Variants in EPB41L5 observed in about 807,000 individuals in gnomAD.
The protein encoded by EPB41L5 is band 4.1-like protein 5.
A neutral mutation model predicts 106.6 loss-of-function variants in EPB41L5; 55 were observed. The observed-to-expected ratio is 0.52, with a 90% CI of 0.42 to 0.65. EPB41L5 has a LOEUF of 0.65. Ranked by LOEUF, EPB41L5 falls within the 30% of genes least tolerant of loss-of-function variation. EPB41L5 has a pLI of 0.00. For synonymous variants in EPB41L5, 297 were observed against 306.7 expected (o/e 0.97, Z 0.33); for missense variants, 871 against 882.1 (o/e 0.99, Z 0.16).
At chr2:120,072,582 A>G (rs1360269387) in intron 3 of EPB41L5, among the ~76,000 whole-genome samples, 1 of 152,232 alleles carries the variant, frequency 6.6e-6, no homozygotes, top group Non-Finnish European at 1.5e-5. Context: ...CATATACACC[A>G]TGGAATACTA....
Position 120,054,181 on chromosome 2 carries a change from CTTGTTTGCCGT to C in EPB41L5, c.285+12076_285+12086del, listed in dbSNP as rs1396639602. ...ATGATGTTGAGCATCTTTTCATGTGCTTGTTTGCCGTTTGTGTATCTTCTTTGGAGAAATGT... is the reference window on the plus strand; with the variant it reads ...ATGATGTTGAGCATCTTTTCATGTGCTTGTGTATCTTCTTTGGAGAAATGT... On this transcript the variant is annotated intron_variant, in intron 3 of 24. Coordinates refer to ENST00000263713, the MANE Select transcript of EPB41L5 (RefSeq NM_020909.4). 2.6e-5 allele frequency among the ~76,000 whole-genome samples: 4 copies of C among 152,164 alleles called. No individual in the cohort carries two copies. In the East Asian group the frequency reaches 7.7e-4, roughly 29 times the overall value.
intron 17 of EPB41L5, among the ~76,000 whole-genome samples, chr2:120,128,256 A>AACAC (rs3084679): frequency 0.016 from 2,310 of 145,410 alleles, 26 homozygotes; most frequent in East Asian, 0.045. Context: ...GGTGCTTTAA[A>AACAC]ACACACACAC....
chr2:120,065,949 A>G (rs1044488016), intron 3 of EPB41L5, among the ~76,000 whole-genome samples: 20 of 152,266 alleles, frequency 1.3e-4, no homozygotes, highest in African/African-American at 2.4e-4. Flanking sequence ...CACTCTGCCA[A>G]CACACATGTG....
intron 2 of EPB41L5, among the ~76,000 whole-genome samples, chr2:120,037,253 T>C (rs1679095407): frequency 6.6e-6 from 1 of 152,058 alleles, no homozygotes; most frequent in South Asian, 2.1e-4. Flanking sequence ...CTGAGAGGAA[T>C]GAAAGAACAT....
At chr2:120,083,985 T>A (rs1682878812) in intron 10 of EPB41L5, among the ~76,000 whole-genome samples, 1 of 152,192 alleles carries the variant, frequency 6.6e-6, no homozygotes, top group Non-Finnish European at 1.5e-5. Flanking sequence ...ATTTTGAGCC[T>A]ATGTGTGTCT....
chr2:120,037,958 A>G (rs1679149256), intron 2 of EPB41L5, among the ~76,000 whole-genome samples: 1 of 152,228 alleles, frequency 6.6e-6, no homozygotes, highest in African/African-American at 2.4e-5. Flanking sequence ...CAGGGAAAAA[A>G]TCTTCATGAC....
chr2:120,168,048 T>G (rs1190093747), intron 24 of EPB41L5, 41 bp downstream of exon 24: 2 of 1,600,624 alleles, frequency 1.2e-6, no homozygotes, highest in Non-Finnish European at 8.5e-7. Flanking sequence ...TAGGCATCTG[T>G]TAGGAAGAAA....
At chr2:120,172,821 T>C (rs1357732610) in intron 24 of EPB41L5, among the ~76,000 whole-genome samples, 3 of 152,078 alleles carry the variant, frequency 2.0e-5, no homozygotes, top group Non-Finnish European at 2.9e-5. Context: ...AAGGAGGATA[T>C]AGAGTTGCAG....
chr2:120,077,349 T>G, intron 9 of EPB41L5, 33 bp downstream of exon 9: 1 of 1,579,636 alleles, frequency 6.3e-7, no homozygotes, highest in Non-Finnish European at 8.6e-7. Context: ...TTTTTAAAAA[T>G]TTATTCTTTG....
At chr2:120,103,220 A>G (rs905671783) in intron 16 of EPB41L5, among the ~76,000 whole-genome samples, 4 of 152,182 alleles carry the variant, frequency 2.6e-5, no homozygotes, top group African/African-American at 7.2e-5. Context: ...TTTTAAATAT[A>G]TGCTGCCCTT....
At chr2:120,080,248 T>TCCCTCC (rs1337959270) in intron 10 of EPB41L5, among the ~76,000 whole-genome samples, 2 of 151,918 alleles carry the variant, frequency 1.3e-5, no homozygotes, top group Non-Finnish European at 2.9e-5. Flanking sequence ...CCTAATGCTA[T>TCCCTCC]CCCTCCCCCT....
At chr2:120,072,649 A>G (rs1681952202) in intron 3 of EPB41L5, among the ~76,000 whole-genome samples, 1 of 152,206 alleles carries the variant, frequency 6.6e-6, no homozygotes, top group African/African-American at 2.4e-5. Context: ...ATGAAGCTGG[A>G]AACCATCATT....
Position 120,074,376 on chromosome 2 carries a change from A to C in EPB41L5, c.407+198A>C, listed in dbSNP as rs910646254. 2.6e-5 allele frequency: 13 copies of C among 508,284 alleles called. No individual in the cohort carries two copies. In the East Asian group the frequency reaches 4.3e-4, roughly 17 times the overall value. 31.5% of individuals were successfully genotyped at this position (508,284 alleles called of 1,614,324 possible). ...TTCCTTTAGCATTTTCAAAATAAAG[A>C]GTTGGTTTCTTAGCATCCTCCAAAG... is the stretch of plus-strand genomic sequence containing the variant. On this transcript the variant is annotated intron_variant, in intron 5 of 24. Coordinates refer to ENST00000263713, the MANE Select transcript of EPB41L5 (RefSeq NM_020909.4).
chr2:120,148,833 T>G (rs561930116), intron 20 of EPB41L5, among the ~76,000 whole-genome samples: 41 of 152,358 alleles, frequency 2.7e-4, no homozygotes, highest in African/African-American at 9.4e-4. Flanking sequence ...CATACAAATT[T>G]TTTTTTGTAA....
chr2:120,028,076 C>A (rs1309150855), intron 2 of EPB41L5, among the ~76,000 whole-genome samples: 12 of 152,018 alleles, frequency 7.9e-5, no homozygotes, highest in Admixed American at 7.2e-4. Context: ...ATTGGCCAGG[C>A]TGGTCTTGAA....
intron 3 of EPB41L5, among the ~76,000 whole-genome samples, chr2:120,055,593 A>G (rs911972148): frequency 1.4e-5 from 2 of 140,190 alleles, no homozygotes; most frequent in African/African-American, 2.7e-5. Context: ...GGTTCACGCC[A>G]TTCTCCTGCC....
chr2:120,080,056 A>C (rs145932859), intron 10 of EPB41L5, among the ~76,000 whole-genome samples: 6 of 152,092 alleles, frequency 3.9e-5, no homozygotes, highest in Non-Finnish European at 7.4e-5. Flanking sequence ...TAGGCTGAGG[A>C]TAGAATTTTA....
chr2:120,075,741 T>C lies in EPB41L5; in HGVS notation c.493T>C (p.Tyr165His), dbSNP rs746659189. 12 of 1,613,230 alleles carry C rather than the reference T, an allele frequency of 7.4e-6. No homozygotes were observed. Among genetic ancestry groups the C allele is most frequent in the African/African-American group, 1.3e-5 (1 of 74,914 alleles). ...TGATACAGCAGTGCAATTGGCAGCT[T>C]ATAATCTGCAAGGTAAGCAATTCTT... ...PFDTAVQLAAYNLQAELGDYD... is the reference protein window; with the variant it reads ...PFDTAVQLAAHNLQAELGDYD... Residue 165 changes from tyrosine (Y) to histidine (H), a missense_variant, in exon 7 of 25, where the codon TAT becomes CAT. Transcript: ENST00000263713.
chr2:120,095,478 A>G (rs986613095), intron 14 of EPB41L5, among the ~76,000 whole-genome samples: 3 of 149,428 alleles, frequency 2.0e-5, no homozygotes, highest in African/African-American at 7.4e-5. Context: ...CAGGTCTCTG[A>G]GTCTGTTCGC....
Sources: allele counts gnomAD v4.1 joint callset (sites outside exome capture counted in the v4.1 genomes callset), GRCh38; gene constraint gnomAD v4.1.1; transcripts MANE v1.5; gene names NCBI Gene and HGNC (gene_info 2026-07-23, HGNC 2026-07-21).